The following SCLT1 variants were observed in gnomAD, a reference collection of about 807,000 sequenced individuals.
The protein encoded by SCLT1 is sodium channel-associated protein 1.
SCLT1 carries 78 observed loss-of-function variants against 112.8 expected under a neutral mutation model. The observed-to-expected ratio is 0.69, with a 90% CI of 0.58 to 0.83. The LOEUF (loss-of-function observed/expected upper bound fraction) is 0.83, where lower values mean the gene tolerates loss of function less well. SCLT1 is among the 40% of genes least tolerant of loss of function. SCLT1 has a pLI of 0.00. For missense variants in SCLT1, 747 were observed against 770.4 expected, an observed-to-expected ratio of 0.97 and a Z score of 0.36; for synonymous variants, 257 against 254.7, an observed-to-expected ratio of 1.01 and a Z score of -0.09.
chr4:129,066,883 C>G (rs1006870858), intron 2 of SCLT1, among the ~76,000 whole-genome samples: 2 of 151,916 alleles, frequency 1.3e-5, no homozygotes, highest in East Asian at 1.9e-4. Flanking sequence ...TTGAAAAACA[C>G]TAAGTTAAGG....
At chr4:128,972,739 A>T (rs1052541185) in intron 9 of SCLT1, among the ~76,000 whole-genome samples, 3 of 152,206 alleles carry the variant, frequency 2.0e-5, no homozygotes, top group African/African-American at 7.2e-5. Flanking sequence ...ATTATCACTC[A>T]TAAGACTATT....
intron 9 of SCLT1, among the ~76,000 whole-genome samples, chr4:128,990,794 C>T (rs1742496827): frequency 2.0e-5 from 3 of 147,466 alleles, no homozygotes; most frequent in African/African-American, 7.5e-5. Flanking sequence ...GCCAACTGAA[C>T]AGTCTGAAAA....
At chr4:128,958,799 T>C (rs1424382260) in intron 12 of SCLT1, among the ~76,000 whole-genome samples, 1 of 152,172 alleles carries the variant, frequency 6.6e-6, no homozygotes, top group Non-Finnish European at 1.5e-5. Flanking sequence ...ATCCCCACAG[T>C]TAGGATTTAG....
Position 128,999,767 on chromosome 4 carries a change from G to A in SCLT1, c.454C>T (p.Gln152Ter). The A allele has an allele frequency of 6.2e-7, 1 of 1,600,138 alleles. No individual in the cohort carries two copies. The highest frequency in any genetic ancestry group is 1.3e-5 in the African/African-American group (1 of 74,414). The change falls in exon 7 of 21, where the codon CAG becomes TAG. Residue 152 changes from glutamine to a stop codon, truncating the protein, a stop_gained. Transcript: ENST00000281142. LOFTEE classifies it high-confidence loss of function. The part of the protein sequence containing the change: ...QEKTQAVELW[Q>*]TVSQELDRLH... ...CTGTCCAACTCCTGAGAAACAGTCT[G>A]CCAGAGTTCCACAGCCTGAGTTTTT...
intron 2 of SCLT1, among the ~76,000 whole-genome samples, chr4:129,061,459 G>A (rs569576251): frequency 2.0e-4 from 31 of 152,198 alleles, no homozygotes; most frequent in Admixed American, 9.8e-4. Flanking sequence ...GTCTGACAGG[G>A]CAGCAATTTC....
chr4:129,007,399 T>C (rs1466387035), intron 5 of SCLT1, among the ~76,000 whole-genome samples: 1 of 152,194 alleles, frequency 6.6e-6, no homozygotes, highest in Non-Finnish European at 1.5e-5. Flanking sequence ...CTATCACATT[T>C]TTGTATTCTG....
chr4:129,003,691 A>T, intron 6 of SCLT1, 50 bp downstream of exon 6: 1 of 1,372,228 alleles, frequency 7.3e-7, no homozygotes, highest in Non-Finnish European at 1.0e-6. Flanking sequence ...TGAATTTTTA[A>T]AAAGGTATGT....
At position 128,891,148 on chromosome 4, in the gene SCLT1, C is replaced by T. The variant is rs1166282169; in HGVS notation, c.1830-11G>A. The T allele has an allele frequency of 4.4e-6, 7 of 1,593,116 alleles. No individual in the cohort carries two copies. The highest frequency in any genetic ancestry group is 1.7e-6 in the Non-Finnish European group (2 of 1,163,556). ...CGACTCAGCTCACTCCTATTAAGAG[C>T]ACCAAAAAATCCATTAATATAATTG... On this transcript the variant is annotated splice_polypyrimidine_tract_variant and intron_variant, in intron 18 of 20. Transcript: ENST00000281142.
chr4:129,077,789 TA>T (rs762149235), intron 2 of SCLT1, among the ~76,000 whole-genome samples: 1 of 151,794 alleles, frequency 6.6e-6, no homozygotes, highest in African/African-American at 2.4e-5. Flanking sequence ...TAAAACAAAA[TA>T]AAAAAAGAAA....
intron 9 of SCLT1, among the ~76,000 whole-genome samples, chr4:128,978,979 G>A (rs6817901): frequency 0.74 from 112,759 of 151,978 alleles, 42,986 homozygotes; most frequent in African/African-American, 0.93. Flanking sequence ...CAGGTCTGGG[G>A]GGTAAATAAT....
intron 9 of SCLT1, among the ~76,000 whole-genome samples, chr4:128,990,325 A>G (rs1742449664): frequency 6.6e-6 from 1 of 151,390 alleles, no homozygotes; most frequent in South Asian, 2.1e-4. Flanking sequence ...TGATGTATCA[A>G]CAAAAGACAA....
chr4:129,062,211 C>A (rs1176608988), intron 2 of SCLT1, among the ~76,000 whole-genome samples: 1 of 152,094 alleles, frequency 6.6e-6, no homozygotes, highest in African/African-American at 2.4e-5. Context: ...CATTTCCTTC[C>A]ATTTTCTACA....
At position 128,980,889 on chromosome 4, in the gene SCLT1, CA is replaced by C. The variant is rs570552631; in HGVS notation, c.687-10422del. Reference sequence around the variant, plus strand: ...ATAATTTTTTAAAATAATGACAGTTCAAGAAAATAATTGTGCCCTTAGAGGT... The same window carrying C: ...ATAATTTTTTAAAATAATGACAGTTCAGAAAATAATTGTGCCCTTAGAGGT... On this transcript the variant is annotated intron_variant, in intron 9 of 20. Coordinates refer to ENST00000281142, the MANE Select transcript of SCLT1 (RefSeq NM_144643.4). 2.7e-4 allele frequency among the ~76,000 whole-genome samples: 41 copies of C among 151,970 alleles called. 1 individual carries two copies. Among genetic ancestry groups the C allele is most frequent in the African/African-American group, 9.4e-4 (39 of 41,446 alleles).
rs376838042 is a variant in SCLT1, at chr4:129,003,842, T to G, written c.325A>C (p.Lys109Gln). 48 of 1,612,620 alleles carry G rather than the reference T, an allele frequency of 3.0e-5. No individual in the cohort carries two copies. The African/African-American group carries it at 6.3e-4, about 21-fold the overall frequency. Reference protein sequence around the residue: ...HSELKDAVEKKLEAFPLGTEV... With the variant: ...HSELKDAVEKQLEAFPLGTEV... ...GTGCCCAGGGGAAAGGCCTCCAATTTTTTTTCAACAGCATCTTTTAATTCA... is the reference window on the plus strand; with the variant it reads ...GTGCCCAGGGGAAAGGCCTCCAATTGTTTTTCAACAGCATCTTTTAATTCA... The change falls in exon 6 of 21, where the codon AAA (lysine) becomes CAA (glutamine). Residue 109 changes from lysine (K) to glutamine (Q), a missense_variant. Transcript: ENST00000281142.
chr4:128,878,982 C>T (rs761584915), intron 3 of SCLT1, among the ~76,000 whole-genome samples: 1 of 146,468 alleles, frequency 6.8e-6, no homozygotes, highest in Non-Finnish European at 1.5e-5. Flanking sequence ...AAAAGAGGCT[C>T]ACTCGGGAGG....
intron 5 of SCLT1, chr4:128,873,929 G>A (rs943198497): frequency 6.6e-6 from 1 of 152,602 alleles, no homozygotes; most frequent in Non-Finnish European, 1.5e-5. Flanking sequence ...TAGTAGATCT[G>A]ATACATCCCC....
chr4:129,041,560 C>T (rs920524311), intron 4 of SCLT1, among the ~76,000 whole-genome samples: 3 of 152,062 alleles, frequency 2.0e-5, no homozygotes, highest in Non-Finnish European at 4.4e-5. Flanking sequence ...TTCCCATAAG[C>T]CCTGGCATTT....
At chr4:128,936,478 A>C (rs1281277095) in intron 18 of SCLT1, among the ~76,000 whole-genome samples, 177 bp downstream of exon 18, 1 of 152,206 alleles carries the variant, frequency 6.6e-6, no homozygotes, top group Non-Finnish European at 1.5e-5. Flanking sequence ...TAAAAAATAT[A>C]ATATTTGCTT....
intron 5 of SCLT1, among the ~76,000 whole-genome samples, chr4:129,029,082 C>T (rs567738216): frequency 6.6e-6 from 1 of 152,044 alleles, no homozygotes; most frequent in Non-Finnish European, 1.5e-5. Context: ...GTTGGTGGGA[C>T]TGTAAAGTAG....
Sources: gnomAD v4.1 joint callset for allele counts (sites outside exome capture counted in the v4.1 genomes callset) on GRCh38, gnomAD v4.1.1 for gene constraint, MANE v1.5 for transcripts, NCBI Gene and HGNC (gene_info 2026-07-23, HGNC 2026-07-21) for gene names.